Variants in LBX2 observed in about 807,000 individuals in gnomAD.
The protein encoded by LBX2 is transcription factor LBX2.
In LBX2, 6 loss-of-function variants were observed where a neutral mutation model predicts 7.5. The ratio of observed to expected loss-of-function variants is 0.80; its 90% CI spans 0.44 to 1.59. The LOEUF is 1.59. Ranked by LOEUF, LBX2 falls within the 40% of genes most tolerant of loss-of-function variation. The pLI is 0.01. For missense variants in LBX2, 281 were observed against 282.0 expected, an observed-to-expected ratio of 1.00 and a Z score of 0.03; for synonymous variants, 143 against 133.2, an observed-to-expected ratio of 1.07 and a Z score of -0.51.
upstream of LBX2, chr2:74,499,658 G>C (rs1674444258): frequency 1.9e-6 from 2 of 1,076,464 alleles, no homozygotes; most frequent in East Asian, 2.6e-5. The surrounding 1 kb of genome is among the most constrained non-coding windows in gnomAD (Gnocchi z 4.6). Context: ...CTCTGGGCCC[G>C]AGTCCCGTGT....
Position 74,497,944 on chromosome 2 carries a change from T to C in LBX2, c.580A>G (p.Ile194Val), listed in dbSNP as rs563464936. The C allele has an allele frequency of 6.9e-6, 11 of 1,584,050 alleles. No individual in the cohort carries two copies. The highest frequency in any genetic ancestry group is 1.7e-4 in the Middle Eastern group (1 of 5,882). The change falls in exon 2 of 2, where the codon ATA becomes GTA. Residue 194 changes from isoleucine to valine, a missense_variant. Coordinates refer to ENST00000377566, the MANE Select transcript of LBX2 (RefSeq NM_001282430.2). ...CTTTGTCTTCAATCGTCCACCTGTA[T>C]CTCCTCGTCTGACAGGTGGGGCCGG... is the stretch of plus-strand genomic sequence containing the variant. ...DSRPHLSDEEIQVDD is the reference protein window; with the variant it reads ...DSRPHLSDEEVQVDD
upstream of LBX2, chr2:74,499,734 C>T (rs1477185876): frequency 9.8e-6 from 6 of 615,350 alleles, no homozygotes; most frequent in East Asian, 5.6e-5. The surrounding 1 kb of genome is among the most constrained non-coding windows in gnomAD (Gnocchi z 4.6). Flanking sequence ...CCTAGATGTC[C>T]GGGGAGGGTA....
Position 74,497,968 on chromosome 2 carries a change from G to T in LBX2, c.556C>A (p.Arg186=). The change falls in exon 2 of 2, where the codon CGG becomes AGG. Residue 186 remains arginine, a synonymous_variant. Transcript: ENST00000377566. ...ATCTCCTCGTCTGACAGGTGGGGCC[G>T]GGAGTCAGGGCCGGCAGGGCCGAGG... is the stretch of plus-strand genomic sequence containing the variant. ...LCLGPAGPDS[R]PHLSDEEIQV... 1.9e-6 allele frequency: 3 copies of T among 1,601,444 alleles called. No individual in the cohort carries two copies. Among genetic ancestry groups the T allele is most frequent in the Non-Finnish European group, 2.6e-6 (3 of 1,172,114 alleles).
upstream of LBX2, chr2:74,502,953 G>A (rs1674527921): frequency 9.1e-7 from 1 of 1,097,994 alleles, no homozygotes; most frequent in Non-Finnish European, 1.3e-6. The surrounding 1 kb of genome is among the most constrained non-coding windows in gnomAD (Gnocchi z 5.4). Context: ...GCCTTTGGAT[G>A]TGAGTCCTGG....
At chr2:74,498,373 G>A (rs889034325) in intron 1 of LBX2, 55 bp from the exon 2 acceptor site, 69 of 1,429,784 alleles carry the variant, frequency 4.8e-5, no homozygotes, top group African/African-American at 3.0e-4. Context: ...GGCTGGGCCT[G>A]GAAAGAAAAG....
chr2:74,503,155 A>C (rs1674534973), upstream of LBX2: 1 of 382,738 alleles, frequency 2.6e-6, no homozygotes, highest in Non-Finnish European at 4.7e-6. This position sits in a 1 kb window ranked among gnomAD's most constrained non-coding sequence, Gnocchi z 5.1. Flanking sequence ...CAGTCGCGCG[A>C]AGCCAGAGAG....
chr2:74,501,431 A>G (rs1220148526), upstream of LBX2: 3 of 152,244 alleles, frequency 2.0e-5, no homozygotes, highest in Non-Finnish European at 2.9e-5. Flanking sequence ...AGATGCTGCA[A>G]CCTTCACTCA....
upstream of LBX2, among the ~76,000 whole-genome samples, chr2:74,500,903 C>T (rs1170515811): frequency 1.3e-5 from 2 of 152,210 alleles, no homozygotes; most frequent in African/African-American, 4.8e-5. Flanking sequence ...GCCAGTCCCT[C>T]CTGGACTGTC....
In LBX2 at chr2:74,497,763, A is replaced by G; in HGVS notation, c.*164T>C. 1 of 781,974 alleles carries G rather than the reference A, an allele frequency of 1.3e-6. No individual in the cohort carries two copies. The highest frequency in any genetic ancestry group is 1.9e-6 in the Non-Finnish European group (1 of 513,170). The allele number at this position is 781,974 out of a possible 1,614,324, so 48.4% of individuals were successfully genotyped here. ...ACAGAGCGAGGCCCTGTCTCAGACAACAAAACAAACTTACAAAAAAACCGG... is the reference window on the plus strand; with the variant it reads ...ACAGAGCGAGGCCCTGTCTCAGACAGCAAAACAAACTTACAAAAAAACCGG... On this transcript the variant is annotated 3_prime_UTR_variant, in exon 2 of 2. Transcript: ENST00000377566.
At position 74,499,233 on chromosome 2, in the gene LBX2, T is replaced by A; in HGVS notation, c.205+100A>T. On this transcript the variant is annotated intron_variant, in intron 1 of 1. Transcript: ENST00000377566. The surrounding 1 kb of genome is among the most constrained non-coding windows in gnomAD (Gnocchi z 4.6). ...GGCTGAGGACAGGGGAGGATTAGGG[T>A]GGGTGGCCTGGGCTGGGACAAAGGT... is the stretch of plus-strand genomic sequence containing the variant. 1 of 1,047,402 alleles carries A rather than the reference T, an allele frequency of 9.5e-7. No homozygotes were observed. Among genetic ancestry groups the A allele is most frequent in the Non-Finnish European group, 1.4e-6 (1 of 702,832 alleles). The allele number at this position is 1,047,402 out of a possible 1,614,324, so 64.9% of individuals were successfully genotyped here. A position where few individuals can be genotyped will look rare whatever the true frequency, so the allele number is the denominator to read the frequency against.
chr2:74,502,612 C>G (rs1281376430), upstream of LBX2: 1 of 1,559,366 alleles, frequency 6.4e-7, no homozygotes, highest in Non-Finnish European at 8.8e-7. The surrounding 1 kb of genome is among the most constrained non-coding windows in gnomAD (Gnocchi z 5.4). Flanking sequence ...ATTGTTTTCT[C>G]TTTCAGAAAG....
chr2:74,497,840 T>G lies in LBX2; in HGVS notation c.*87A>C. The G allele has an allele frequency of 1.4e-6, 2 of 1,396,062 alleles. No individual in the cohort carries two copies. The highest frequency in any genetic ancestry group is 1.9e-6 in the Non-Finnish European group (2 of 1,052,662). 86.5% of individuals were successfully genotyped at this position (1,396,062 alleles called of 1,614,324 possible). ...CGGAAGAGGCCCAAGTGGACCTCCT[T>G]CCTCCACCCTGGAACTCTGGCCAGA... On this transcript the variant is annotated 3_prime_UTR_variant, in exon 2 of 2. Transcript: ENST00000377566.
upstream of LBX2, chr2:74,502,820 A>G (rs1345137911): frequency 3.7e-6 from 6 of 1,611,912 alleles, no homozygotes; most frequent in African/African-American, 5.4e-5. This position sits in a 1 kb window ranked among gnomAD's most constrained non-coding sequence, Gnocchi z 5.4. Context: ...TCTCCCCCCA[A>G]CTCCCCAAGA....
In LBX2 at chr2:74,499,111, C is replaced by T. The variant is rs1674428198; in HGVS notation, c.205+222G>A. On this transcript the variant is annotated intron_variant, in intron 1 of 1. Coordinates refer to ENST00000377566, the MANE Select transcript of LBX2 (RefSeq NM_001282430.2). The surrounding 1 kb of genome is among the most constrained non-coding windows in gnomAD (Gnocchi z 4.6). ...GTCGCTCAGTTGGCGACGGTCTGCC[C>T]TTTTCCCTTGGCACTGGCGGCCTTC... The T allele has an allele frequency of 1.7e-6, 1 of 597,064 alleles. No individual in the cohort carries two copies. Among genetic ancestry groups the T allele is most frequent in the Admixed American group, 3.0e-5 (1 of 33,766 alleles). 37.0% of individuals were successfully genotyped at this position (597,064 alleles called of 1,614,324 possible).
At chr2:74,502,633 G>T, upstream of LBX2, 1 of 1,600,522 alleles carries the variant, frequency 6.2e-7, no homozygotes, top group Non-Finnish European at 8.6e-7. The surrounding 1 kb of genome is among the most constrained non-coding windows in gnomAD (Gnocchi z 5.4). Context: ...CGCTACTGCG[G>T]AGTGAACCGG....
At position 74,499,244 on chromosome 2, in the gene LBX2, G is replaced by T; in HGVS notation, c.205+89C>A. 8.1e-7 allele frequency: 1 copy of T among 1,232,940 alleles called. No individual in the cohort carries two copies. Among genetic ancestry groups the T allele is most frequent in the Non-Finnish European group, 1.2e-6 (1 of 866,512 alleles). The allele number at this position is 1,232,940 out of a possible 1,614,324, so 76.4% of individuals were successfully genotyped here. ...GGGGAGGATTAGGGTGGGTGGCCTGGGCTGGGACAAAGGTTTGAGACGGGG... is the reference window on the plus strand; with the variant it reads ...GGGGAGGATTAGGGTGGGTGGCCTGTGCTGGGACAAAGGTTTGAGACGGGG... On this transcript the variant is annotated intron_variant, in intron 1 of 1. Coordinates refer to ENST00000377566, the MANE Select transcript of LBX2 (RefSeq NM_001282430.2). The surrounding 1 kb of genome is among the most constrained non-coding windows in gnomAD (Gnocchi z 4.6).
chr2:74,497,865 A>G lies in LBX2; in HGVS notation c.*62T>C. ...TCCTCCACCCTGGAACTCTGGCCAG[A>G]GGCAGAGCGCGAGGTGAGGAGTCCA... On this transcript the variant is annotated 3_prime_UTR_variant, in exon 2 of 2. Transcript: ENST00000377566. 1.4e-6 allele frequency: 2 copies of G among 1,461,510 alleles called. No homozygotes were observed. The highest frequency in any genetic ancestry group is 1.8e-6 in the Non-Finnish European group (2 of 1,103,578). The allele number at this position is 1,461,510 out of a possible 1,614,324, so 90.5% of individuals were successfully genotyped here.
chr2:74,500,971 C>T (rs983471610), upstream of LBX2, among the ~76,000 whole-genome samples: 1 of 152,192 alleles, frequency 6.6e-6, no homozygotes, highest in Non-Finnish European at 1.5e-5. Context: ...CAGTGTCCAC[C>T]TGTCTATTCC....
At chr2:74,499,700 C>T (rs914739024), upstream of LBX2, 1 of 695,298 alleles carries the variant, frequency 1.4e-6, no homozygotes, top group South Asian at 1.9e-5. This position sits in a 1 kb window ranked among gnomAD's most constrained non-coding sequence, Gnocchi z 4.6. Context: ...CCTCTCCACC[C>T]CGGGCCGCGG....
Sources: gnomAD v4.1 joint callset for allele counts (sites outside exome capture counted in the v4.1 genomes callset) on GRCh38, gnomAD v4.1.1 for gene constraint, Gnocchi (gnomAD v3.1) non-coding constraint, MANE v1.5 for transcripts, NCBI Gene and HGNC (gene_info 2026-07-23, HGNC 2026-07-21) for gene names.